Variants in SFXN4 observed in about 807,000 individuals in gnomAD.
SFXN4 encodes sideroflexin-4.
Under a neutral mutation model 54.6 loss-of-function variants are expected in SFXN4, and 48 were observed. That is an observed-to-expected ratio of 0.88 (90% confidence interval 0.70 to 1.12). The LOEUF (loss-of-function observed/expected upper bound fraction) is 1.12. Ranked by LOEUF, SFXN4 falls within the 50% of genes most tolerant of loss-of-function variation. SFXN4 has a pLI of 0.00. For missense variants in SFXN4, 383 were observed against 409.2 expected, an observed-to-expected ratio of 0.94 and a Z score of 0.55; for synonymous variants, 130 against 145.5, an observed-to-expected ratio of 0.89 and a Z score of 0.77.
In SFXN4 at chr10:119,148,733, A is replaced by C. The variant is rs551461615; in HGVS notation, c.733-873T>G. On this transcript the variant is annotated intron_variant, in intron 11 of 13. Transcript: ENST00000355697. ...ATAACATTTTTGTAATCTTTTCTAT[A>C]ATGTACATTACTCTATACATTAAAC... Among the ~76,000 whole-genome samples, 4 of 152,310 alleles carry C rather than the reference A, an allele frequency of 2.6e-5. No individual in the cohort carries two copies. In the South Asian group the frequency reaches 8.3e-4, roughly 32 times the overall value.
Position 119,165,415 on chromosome 10 carries a change from G to T in SFXN4, c.111+122C>A, listed in dbSNP as rs2275126. 2.6e-4 allele frequency: 354 copies of T among 1,338,582 alleles called. 2 individuals carry two copies. In the East Asian group the frequency reaches 0.011, roughly 42 times the overall value. 82.9% of individuals were successfully genotyped at this position (1,338,582 alleles called of 1,614,324 possible). ...GTGCGCGTTCCCGGCACAACTCCGA[G>T]AGGAGGAAACGGAGACAGGGGGCGC... is the stretch of plus-strand genomic sequence containing the variant. On this transcript the variant is annotated intron_variant, in intron 1 of 13. Coordinates refer to ENST00000355697, the MANE Select transcript of SFXN4 (RefSeq NM_213649.2).
In SFXN4 at chr10:119,142,619, C is replaced by T. The variant is rs183763456; in HGVS notation, c.937-1300G>A. On this transcript the variant is annotated intron_variant, in intron 13 of 13. Transcript: ENST00000355697. ...AGGCTGGAGTGCAGTGGCGCGACCT[C>T]GGCTCACTGCAAGCTCCGCCTCTGG... 4.6e-3 allele frequency among the ~76,000 whole-genome samples: 670 copies of T among 146,852 alleles called. 4 individuals carry two copies. The highest frequency in any genetic ancestry group is 0.016 in the African/African-American group (640 of 39,742).
At chr10:119,143,048 A>G (rs1285556828) in intron 13 of SFXN4, among the ~76,000 whole-genome samples, 1 of 151,712 alleles carries the variant, frequency 6.6e-6, no homozygotes, top group Non-Finnish European at 1.5e-5. Flanking sequence ...GGATATTTCC[A>G]AAGTCCAGCA....
intron 6 of SFXN4, among the ~76,000 whole-genome samples, chr10:119,158,491 C>T (rs1386491526): frequency 6.6e-6 from 1 of 151,356 alleles, no homozygotes; most frequent in Non-Finnish European, 1.5e-5. Flanking sequence ...TGGTGCACAC[C>T]TGTAATCCCA....
At chr10:119,163,006 C>G (rs1031234899) in intron 2 of SFXN4, among the ~76,000 whole-genome samples, 1 of 152,146 alleles carries the variant, frequency 6.6e-6, no homozygotes, top group Non-Finnish European at 1.5e-5. Context: ...CTACATTGCC[C>G]AGGCTGGTCT....
At chr10:119,150,059 G>C (rs76734789) in intron 11 of SFXN4, among the ~76,000 whole-genome samples, 2 of 152,166 alleles carry the variant, frequency 1.3e-5, no homozygotes, top group African/African-American at 4.8e-5. Flanking sequence ...AATTTTAGCC[G>C]AAGAAAATAA....
intron 13 of SFXN4, among the ~76,000 whole-genome samples, chr10:119,142,489 T>A (rs1386354164): frequency 6.6e-6 from 1 of 151,106 alleles, no homozygotes; most frequent in African/African-American, 2.4e-5. Flanking sequence ...TAGTAATAAC[T>A]CCTTATCTCA....
At chr10:119,150,327 T>A (rs946333578) in intron 11 of SFXN4, among the ~76,000 whole-genome samples, 49 of 151,808 alleles carry the variant, frequency 3.2e-4, no homozygotes, top group African/African-American at 1.2e-3. Context: ...AGGGTGTGGG[T>A]CTCCAGAGCC....
chr10:119,163,712 C>A (rs556722783), intron 2 of SFXN4, among the ~76,000 whole-genome samples: 2 of 152,224 alleles, frequency 1.3e-5, no homozygotes, highest in South Asian at 4.1e-4. Context: ...CAGATGTACG[C>A]TTTTCCTTAC....
chr10:119,163,564 G>T (rs1053202112), intron 2 of SFXN4, among the ~76,000 whole-genome samples: 3 of 151,922 alleles, frequency 2.0e-5, no homozygotes, highest in African/African-American at 7.2e-5. Flanking sequence ...ACCACACCCA[G>T]CTAATGTTTG....
intron 2 of SFXN4, among the ~76,000 whole-genome samples, chr10:119,162,958 GCTAA>G (rs775056630): frequency 4.0e-5 from 6 of 151,846 alleles, no homozygotes; most frequent in Non-Finnish European, 8.8e-5. Context: ...ACTACACCTG[GCTAA>G]CTTTCTATTT....
At chr10:119,155,010 G>A (rs1249994304) in intron 11 of SFXN4, 52 bp downstream of exon 11, 10 of 1,259,504 alleles carry the variant, frequency 7.9e-6, no homozygotes, top group Non-Finnish European at 1.0e-5. Flanking sequence ...AAACAGAAAA[G>A]TCTAGTCGTT....
chr10:119,157,220 G>A (rs1220034758), intron 9 of SFXN4, among the ~76,000 whole-genome samples: 1 of 152,146 alleles, frequency 6.6e-6, no homozygotes, highest in African/African-American at 2.4e-5. Flanking sequence ...CCTGAGGTCA[G>A]GAGTTTGAGA....
chr10:119,162,365 G>A lies in SFXN4; in HGVS notation c.227C>T (p.Ser76Phe), dbSNP rs1196377488. 2 of 1,614,040 alleles carry A rather than the reference G, an allele frequency of 1.2e-6. No individual in the cohort carries two copies. The highest frequency in any genetic ancestry group is 1.3e-5 in the African/African-American group (1 of 74,910). ...RQLLCTNEDV[S>F]SPASADQRIQ... Reference sequence around the variant, plus strand: ...CCTTTGGTCCGCCGAGGCAGGGCTGGAAACATCTTCATTTGTGCACAATAG... The same window carrying A: ...CCTTTGGTCCGCCGAGGCAGGGCTGAAAACATCTTCATTTGTGCACAATAG... Residue 76 changes from serine (S) to phenylalanine (F), a missense_variant, in exon 3 of 14, where the codon TCC becomes TTC. Transcript: ENST00000355697.
intron 11 of SFXN4, among the ~76,000 whole-genome samples, chr10:119,151,602 G>A (rs1223078025): frequency 2.0e-5 from 3 of 151,406 alleles, no homozygotes; most frequent in East Asian, 3.9e-4. Flanking sequence ...TGCAACCTCT[G>A]CCTCCTGGGT....
At chr10:119,145,110 C>G (rs553397385) in intron 13 of SFXN4, among the ~76,000 whole-genome samples, 1 of 151,728 alleles carries the variant, frequency 6.6e-6, no homozygotes, top group Non-Finnish European at 1.5e-5. Flanking sequence ...TACAATTAAC[C>G]CTTGAATAAT....
chr10:119,149,393 C>G (rs1846955767), intron 11 of SFXN4, among the ~76,000 whole-genome samples: 1 of 152,172 alleles, frequency 6.6e-6, no homozygotes, highest in Admixed American at 6.6e-5. Context: ...GCATGGTTCC[C>G]TCTGCAGGGA....
At chr10:119,147,672 C>T (rs1046305494) in intron 12 of SFXN4, 103 bp downstream of exon 12, 9 of 923,830 alleles carry the variant, frequency 9.7e-6, no homozygotes, top group Non-Finnish European at 1.6e-5. Flanking sequence ...GGGAAGGTTA[C>T]TGAGCCAACT....
chr10:119,153,436 G>A lies in SFXN4; in HGVS notation c.732+1626C>T, dbSNP rs557498844. Among the ~76,000 whole-genome samples the A allele has an allele frequency of 1.5e-4, 23 of 150,984 alleles. No homozygotes were observed. The South Asian group carries it at 4.2e-3, about 28-fold the overall frequency. On this transcript the variant is annotated intron_variant, in intron 11 of 13. Transcript: ENST00000355697. Reference sequence around the variant, plus strand: ...AAAAAAGAAAGAAAAGAAAAAGAAAGAAGAAGAAAAAGAAGAAACTAATAG... The same window carrying A: ...AAAAAAGAAAGAAAAGAAAAAGAAAAAAGAAGAAAAAGAAGAAACTAATAG...
Sources: gnomAD v4.1 joint callset for allele counts (sites outside exome capture counted in the v4.1 genomes callset) on GRCh38, gnomAD v4.1.1 for gene constraint, MANE v1.5 for transcripts, NCBI Gene and HGNC (gene_info 2026-07-23, HGNC 2026-07-21) for gene names.